The following LRRC28 variants were observed in gnomAD, a reference collection of about 807,000 sequenced individuals.
LRRC28 encodes the protein leucine-rich repeat-containing protein 28.
LRRC28 carries 39 observed loss-of-function variants against 45.7 expected under a neutral mutation model. That is an observed-to-expected ratio of 0.85 (90% CI 0.66 to 1.12). LRRC28 has a LOEUF of 1.12. Among genes scored for constraint, LRRC28 ranks in the 50% most tolerant of loss-of-function variants. The pLI, the probability that LRRC28 is intolerant of heterozygous loss-of-function variation, is 0.00. For missense variants in LRRC28, 435 were observed against 438.5 expected (o/e 0.99, Z 0.07); for synonymous variants, 206 against 178.8 (o/e 1.15, Z -1.22).
intron 5 of LRRC28, among the ~76,000 whole-genome samples, chr15:99,318,333 A>C (rs970708911): frequency 6.6e-6 from 1 of 152,132 alleles, no homozygotes; most frequent in Non-Finnish European, 1.5e-5. Context: ...AAGTAAATAC[A>C]ACTAATAAAT....
intron 5 of LRRC28, among the ~76,000 whole-genome samples, chr15:99,290,116 G>C (rs965576642): frequency 3.3e-5 from 5 of 151,714 alleles, no homozygotes; most frequent in Non-Finnish European, 5.9e-5. Flanking sequence ...AAATTAGCCG[G>C]GTGTGGTGGC....
At chr15:99,343,494 A>G (rs1956584038) in intron 6 of LRRC28, among the ~76,000 whole-genome samples, 1 of 152,222 alleles carries the variant, frequency 6.6e-6, no homozygotes. Flanking sequence ...GATTTTGCTA[A>G]TTTCTAAGTC....
intron 6 of LRRC28, among the ~76,000 whole-genome samples, chr15:99,350,104 C>T (rs1358622071): frequency 6.7e-6 from 1 of 150,018 alleles, no homozygotes; most frequent in Non-Finnish European, 1.5e-5. Flanking sequence ...CCACTGCAGT[C>T]CGCAGTCCGG....
intron 9 of LRRC28, chr15:99,384,920 A>C (rs1214723123): frequency 6.6e-6 from 1 of 152,450 alleles, no homozygotes; most frequent in Non-Finnish European, 1.5e-5. Flanking sequence ...TGAGACTTTG[A>C]AGAGAAATTA....
chr15:99,277,529 A>G (rs2081651225), intron 3 of LRRC28, among the ~76,000 whole-genome samples: 1 of 152,168 alleles, frequency 6.6e-6, no homozygotes, highest in African/African-American at 2.4e-5. Context: ...TAAGGAAAGT[A>G]ATATTCAATA....
chr15:99,331,406 T>G (rs569919087), intron 5 of LRRC28, among the ~76,000 whole-genome samples: 22 of 152,332 alleles, frequency 1.4e-4, no homozygotes, highest in African/African-American at 5.1e-4. Flanking sequence ...TTTTATTATT[T>G]TCCATATCCG....
chr15:99,262,452 C>T (rs569164880), intron 2 of LRRC28, among the ~76,000 whole-genome samples: 2 of 151,942 alleles, frequency 1.3e-5, no homozygotes, highest in Non-Finnish European at 2.9e-5. Flanking sequence ...CATGGTGGTG[C>T]GCGTCTGTAG....
intron 3 of LRRC28, among the ~76,000 whole-genome samples, chr15:99,283,388 T>C (rs1023530358): frequency 1.5e-4 from 22 of 148,606 alleles, no homozygotes; most frequent in African/African-American, 5.4e-4. Context: ...CCGAGGTGGG[T>C]GGATCACGAG....
intron 9 of LRRC28, 62 bp downstream of exon 9, chr15:99,363,327 G>A: frequency 6.3e-7 from 1 of 1,579,492 alleles, no homozygotes; most frequent in Non-Finnish European, 8.6e-7. Context: ...GGTGGGGAGG[G>A]GAGAGGCTGT....
intron 5 of LRRC28, among the ~76,000 whole-genome samples, chr15:99,305,734 C>A (rs796726840): frequency 4.6e-5 from 7 of 152,102 alleles, no homozygotes; most frequent in African/African-American, 1.7e-4. Context: ...CTATATTTTT[C>A]TATCATTTAT....
Position 99,284,270 on chromosome 15 carries a change from A to C in LRRC28, c.210-2987A>C, listed in dbSNP as rs573497471. Among the ~76,000 whole-genome samples the C allele has an allele frequency of 1.2e-4, 18 of 152,304 alleles. No homozygotes were observed. The South Asian group carries it at 3.7e-3, about 32-fold the overall frequency. On this transcript the variant is annotated intron_variant, in intron 3 of 9. Transcript: ENST00000301981. ...TTCTAATGTGCAGTCAGGATTGGCA[A>C]CACTCTGTTATCTTTTTTTAAAGAT...
intron 9 of LRRC28, among the ~76,000 whole-genome samples, chr15:99,366,097 G>T (rs79458540): frequency 3.9e-5 from 6 of 152,190 alleles, no homozygotes; most frequent in Non-Finnish European, 8.8e-5. Context: ...GGGTTAGTTT[G>T]CCAGGGATGC....
chr15:99,374,063 A>ATT (rs139180239), intron 9 of LRRC28, among the ~76,000 whole-genome samples: 1 of 151,960 alleles, frequency 6.6e-6, no homozygotes, highest in Non-Finnish European at 1.5e-5. Flanking sequence ...CCCTTTCAGG[A>ATT]TTTTTTTAGC....
chr15:99,312,102 C>T (rs1412969398), intron 5 of LRRC28, among the ~76,000 whole-genome samples: 1 of 152,180 alleles, frequency 6.6e-6, no homozygotes, highest in African/African-American at 2.4e-5. Context: ...TTTCTACAGT[C>T]ACGCACTGCT....
intron 9 of LRRC28, among the ~76,000 whole-genome samples, chr15:99,382,391 ATCT>A (rs1957856637): frequency 6.6e-6 from 1 of 152,040 alleles, no homozygotes; most frequent in Non-Finnish European, 1.5e-5. Flanking sequence ...GAAATCACCC[ATCT>A]TCTGCATCTC....
intron 1 of LRRC28, among the ~76,000 whole-genome samples, chr15:99,253,935 G>A (rs562087870): frequency 3.9e-5 from 6 of 152,310 alleles, no homozygotes; most frequent in East Asian, 1.9e-4. Flanking sequence ...CTGCTTCTCC[G>A]GCTTGAGCCA....
chr15:99,348,749 TTTTTTTTTG>T (rs1956776617), intron 6 of LRRC28, among the ~76,000 whole-genome samples: 1 of 122,722 alleles, frequency 8.1e-6, no homozygotes, highest in Non-Finnish European at 1.7e-5. Context: ...TTTTTGTTGT[TTTTTTTTTG>T]TTTTTTTTGT....
chr15:99,310,276 T>C (rs1051182152), intron 5 of LRRC28, among the ~76,000 whole-genome samples: 1 of 152,160 alleles, frequency 6.6e-6, no homozygotes, highest in Non-Finnish European at 1.5e-5. Flanking sequence ...TAGTTGAAGG[T>C]GGGAGAGTTT....
At chr15:99,273,964 C>G (rs1044732738) in intron 2 of LRRC28, among the ~76,000 whole-genome samples, 13 of 152,098 alleles carry the variant, frequency 8.5e-5, no homozygotes, top group Non-Finnish European at 1.5e-4. Flanking sequence ...GTATGTATGC[C>G]CATAAACGGA....
Sources: gnomAD v4.1 joint callset for allele counts (sites outside exome capture counted in the v4.1 genomes callset) on GRCh38, gnomAD v4.1.1 for gene constraint, MANE v1.5 for transcripts, NCBI Gene and HGNC (gene_info 2026-07-23, HGNC 2026-07-21) for gene names.